TCERG1L: variants seen among roughly 807,000 people sequenced by gnomAD.
The protein encoded by TCERG1L is transcription elongation regulator 1 like.
A neutral mutation model predicts 56.3 loss-of-function variants in TCERG1L; 37 were observed. The ratio of observed to expected loss-of-function variants is 0.66; its 90% confidence interval spans 0.51 to 0.87. The LOEUF is 0.87. Among genes scored for constraint, TCERG1L ranks in the 40% least tolerant of loss-of-function variants. The pLI is 0.00. For synonymous variants in TCERG1L, 324 were observed against 326.3 expected (o/e 0.99, Z 0.08); for missense variants, 799 against 774.2 (o/e 1.03, Z -0.38).
chr10:131,188,372 T>C (rs1279374829), intron 4 of TCERG1L, among the ~76,000 whole-genome samples: 1 of 152,176 alleles, frequency 6.6e-6, no homozygotes, highest in Non-Finnish European at 1.5e-5. Flanking sequence ...TACAGGGAGA[T>C]AAAAGATTCA....
chr10:131,177,151 TACAC>T (rs60156226), intron 4 of TCERG1L, among the ~76,000 whole-genome samples: 1 of 148,830 alleles, frequency 6.7e-6, no homozygotes, highest in Admixed American at 6.7e-5. Context: ...CAGACACGTG[TACAC>T]ACAGAGACAC....
intron 3 of TCERG1L, among the ~76,000 whole-genome samples, chr10:131,287,833 G>A (rs1003225454): frequency 6.6e-6 from 1 of 152,216 alleles, no homozygotes; most frequent in South Asian, 2.1e-4. Flanking sequence ...GGACAGGGGT[G>A]CTCAGTCAAC....
chr10:131,233,422 A>G (rs1356900445), intron 4 of TCERG1L, among the ~76,000 whole-genome samples: 1 of 150,834 alleles, frequency 6.6e-6, no homozygotes, highest in Non-Finnish European at 1.5e-5. Context: ...TTACACACAC[A>G]CATATATACA....
intron 4 of TCERG1L, among the ~76,000 whole-genome samples, chr10:131,219,048 T>C (rs1363477495): frequency 6.6e-6 from 1 of 152,160 alleles, no homozygotes; most frequent in East Asian, 1.9e-4. Context: ...ACCTGTCCAG[T>C]GGTCATGGCT....
chr10:131,280,282 T>C (rs1209507511), intron 3 of TCERG1L, among the ~76,000 whole-genome samples: 1 of 150,410 alleles, frequency 6.6e-6, no homozygotes. Context: ...AGCACAGAGG[T>C]GATTTTGAAT....
At chr10:131,244,393 G>C (rs1045891068) in intron 4 of TCERG1L, among the ~76,000 whole-genome samples, 3 of 152,204 alleles carry the variant, frequency 2.0e-5, no homozygotes, top group African/African-American at 7.2e-5. Context: ...GGAGGTTTAC[G>C]TTCAGAACAG....
At chr10:131,193,705 A>T (rs1845328452) in intron 4 of TCERG1L, among the ~76,000 whole-genome samples, 1 of 152,112 alleles carries the variant, frequency 6.6e-6, no homozygotes, top group Admixed American at 6.6e-5. Context: ...CTATGGGTCT[A>T]TTTTTGTACC....
intron 3 of TCERG1L, among the ~76,000 whole-genome samples, chr10:131,276,077 T>C (rs970064382): frequency 2.6e-5 from 4 of 152,212 alleles, no homozygotes; most frequent in African/African-American, 4.8e-5. Flanking sequence ...TACATGTTAA[T>C]TGGGTGGCTG....
chr10:131,290,830 C>T (rs558387465), intron 3 of TCERG1L, among the ~76,000 whole-genome samples: 8 of 152,114 alleles, frequency 5.3e-5, no homozygotes, highest in South Asian at 4.1e-4. Context: ...AATAATGTCG[C>T]GCACTACCAC....
At chr10:131,157,472 C>T (rs1411110065) in intron 6 of TCERG1L, among the ~76,000 whole-genome samples, 4 of 151,924 alleles carry the variant, frequency 2.6e-5, no homozygotes, top group Non-Finnish European at 4.4e-5. Flanking sequence ...TACACTTTGT[C>T]GAGCAATTAC....
At chr10:131,131,640 C>T (rs937088652) in intron 8 of TCERG1L, among the ~76,000 whole-genome samples, 1 of 152,144 alleles carries the variant, frequency 6.6e-6, no homozygotes, top group Admixed American at 6.5e-5. Flanking sequence ...CTGTCACAAT[C>T]GATTTAATTC....
chr10:131,249,356 G>A (rs1474299334), intron 4 of TCERG1L, among the ~76,000 whole-genome samples: 1 of 151,724 alleles, frequency 6.6e-6, no homozygotes, highest in African/African-American at 2.4e-5. Context: ...CATGGCCCTG[G>A]CAGTGGCTCC....
In TCERG1L at chr10:131,162,969, A is replaced by G. The variant is rs540669835; in HGVS notation, c.1034+153T>C. ...TTTTCTTTCTGCAGAATGTGACCAC[A>G]GTGCAGAATTACACCTGCCGGGAGT... On this transcript the variant is annotated intron_variant, in intron 6 of 11. Coordinates refer to ENST00000368642, the MANE Select transcript of TCERG1L (RefSeq NM_174937.4). 111 of 556,112 alleles carry G rather than the reference A, an allele frequency of 2.0e-4. 1 individual carries two copies. The highest frequency in any genetic ancestry group is 1.8e-3 in the African/African-American group (97 of 52,730). The allele number at this position is 556,112 out of a possible 1,614,324, so 34.4% of individuals were successfully genotyped here. A position where few individuals can be genotyped will look rare whatever the true frequency, so the allele number is the denominator to read the frequency against.
At chr10:131,303,387 G>T (rs1370655288) in intron 3 of TCERG1L, among the ~76,000 whole-genome samples, 1 of 152,042 alleles carries the variant, frequency 6.6e-6, no homozygotes, top group South Asian at 2.1e-4. Flanking sequence ...GTGATGATGA[G>T]CTTTTTTTAT....
intron 3 of TCERG1L, among the ~76,000 whole-genome samples, chr10:131,265,932 G>T (rs1288047838): frequency 6.6e-6 from 1 of 152,244 alleles, no homozygotes; most frequent in Admixed American, 6.5e-5. Context: ...TTCCTTTCAG[G>T]AAAGATGTCT....
At chr10:131,108,731 C>T (rs1436715239) in intron 9 of TCERG1L, among the ~76,000 whole-genome samples, 1 of 152,226 alleles carries the variant, frequency 6.6e-6, no homozygotes, top group Non-Finnish European at 1.5e-5. Context: ...CCAGATCCCA[C>T]TGGGCTGAGA....
intron 9 of TCERG1L, among the ~76,000 whole-genome samples, chr10:131,106,979 T>C (rs772568939): frequency 2.0e-5 from 3 of 152,230 alleles, no homozygotes; most frequent in Admixed American, 6.5e-5. Flanking sequence ...CGGTGAAGCA[T>C]AGCTGGGTCT....
intron 4 of TCERG1L, among the ~76,000 whole-genome samples, chr10:131,185,201 T>C (rs1421986092): frequency 1.3e-5 from 2 of 152,062 alleles, no homozygotes; most frequent in African/African-American, 4.8e-5. Flanking sequence ...AGAATATAAA[T>C]GCATATGGAT....
intron 4 of TCERG1L, among the ~76,000 whole-genome samples, chr10:131,239,009 A>G (rs1845944542): frequency 1.3e-5 from 2 of 152,124 alleles, no homozygotes; most frequent in African/African-American, 4.8e-5. Flanking sequence ...GAGAACATAA[A>G]AGCCAAAGCC....
Sources: gnomAD v4.1 joint callset for allele counts (sites outside exome capture counted in the v4.1 genomes callset) on GRCh38, gnomAD v4.1.1 for gene constraint, MANE v1.5 for transcripts, NCBI Gene and HGNC (gene_info 2026-07-23, HGNC 2026-07-21) for gene names.